The following PLPP4 variants were observed in gnomAD, a reference collection of about 807,000 sequenced individuals.
PLPP4 encodes the protein phospholipid phosphatase 4.
In PLPP4, 20 loss-of-function variants were observed where a neutral mutation model predicts 32.2. The ratio of observed to expected loss-of-function variants is 0.62; its 90% CI spans 0.44 to 0.90. PLPP4 has a LOEUF of 0.90. Ranked by LOEUF, PLPP4 falls within the 40% of genes least tolerant of loss-of-function variation. The pLI, the probability that PLPP4 is intolerant of heterozygous loss-of-function variation, is 0.00. For synonymous variants in PLPP4, 127 were observed against 133.0 expected (o/e 0.95, Z 0.31); for missense variants, 257 against 353.1 (o/e 0.73, Z 2.18).
At chr10:120,513,866 A>G in intron 2 of PLPP4, 45 bp from the exon 3 acceptor site, 1 of 1,447,790 alleles carries the variant, frequency 6.9e-7, no homozygotes, top group Non-Finnish European at 9.7e-7. Context: ...CCCTTCTGAT[A>G]GCAAACTGAT....
chr10:120,591,336 T>A lies in PLPP4; in HGVS notation c.*1834T>A, dbSNP rs1028278047. 6.6e-6 allele frequency among the ~76,000 whole-genome samples: 1 copy of A among 152,106 alleles called. No homozygotes were observed. The highest frequency in any genetic ancestry group is 1.5e-5 in the Non-Finnish European group (1 of 68,028). On this transcript the variant is annotated 3_prime_UTR_variant, in exon 7 of 7. Transcript: ENST00000398250. ...CACGGTCATGTGATTGTCCCCTGGA[T>A]GGAGTGGGAGAGGGGGAGGCTTGAA...
At chr10:120,463,721 T>C (rs889676472) in intron 1 of PLPP4, among the ~76,000 whole-genome samples, 1 of 152,194 alleles carries the variant, frequency 6.6e-6, no homozygotes, top group African/African-American at 2.4e-5. Context: ...AGTCTCTCTC[T>C]GTTGCCCAGG....
intron 2 of PLPP4, among the ~76,000 whole-genome samples, chr10:120,504,155 C>T (rs575935583): frequency 2.0e-5 from 3 of 152,316 alleles, no homozygotes; most frequent in South Asian, 4.1e-4. Context: ...AGAAATAGCA[C>T]TCAAACATAA....
At chr10:120,487,403 G>A (rs537907305) in intron 1 of PLPP4, among the ~76,000 whole-genome samples, 2 of 152,306 alleles carry the variant, frequency 1.3e-5, no homozygotes, top group South Asian at 4.1e-4. Context: ...GTTCTGATTG[G>A]TAACATTGTC....
At chr10:120,537,256 A>C (rs1401367367) in intron 5 of PLPP4, among the ~76,000 whole-genome samples, 1 of 152,234 alleles carries the variant, frequency 6.6e-6, no homozygotes, top group Admixed American at 6.5e-5. Flanking sequence ...TCATTGCAGC[A>C]TTATTCACAA....
intron 1 of PLPP4, among the ~76,000 whole-genome samples, chr10:120,502,109 T>C (rs1308277500): frequency 6.6e-6 from 1 of 152,166 alleles, no homozygotes; most frequent in Non-Finnish European, 1.5e-5. Context: ...GATTCTGTAA[T>C]AGAAGTGCTC....
In PLPP4 at chr10:120,547,624, A is replaced by G. The variant is rs553466838; in HGVS notation, c.445+26529A>G. Among the ~76,000 whole-genome samples, 218 of 152,306 alleles carry G rather than the reference A, an allele frequency of 1.4e-3. 11 individuals carry two copies. In the South Asian group the frequency reaches 0.044, roughly 31 times the overall value. On this transcript the variant is annotated intron_variant, in intron 5 of 6. Transcript: ENST00000398250. Reference sequence around the variant, plus strand: ...CTTGACCCATGTGAAAAACTGAGAGACATCCCTTTTTATCATAGATTCCCT... The same window carrying G: ...CTTGACCCATGTGAAAAACTGAGAGGCATCCCTTTTTATCATAGATTCCCT...
intron 6 of PLPP4, among the ~76,000 whole-genome samples, chr10:120,578,232 G>T (rs1036952403): frequency 6.6e-6 from 1 of 152,218 alleles, no homozygotes; most frequent in Non-Finnish European, 1.5e-5. Flanking sequence ...AGAAATCAAG[G>T]AGACCTCAAA....
intron 1 of PLPP4, among the ~76,000 whole-genome samples, chr10:120,459,085 A>G (rs1847923523): frequency 6.6e-6 from 1 of 152,234 alleles, no homozygotes; most frequent in South Asian, 2.1e-4. Context: ...TGAGATGTTT[A>G]CAGATATACA....
intron 1 of PLPP4, among the ~76,000 whole-genome samples, chr10:120,477,948 G>C (rs1464279484): frequency 3.9e-5 from 6 of 152,164 alleles, no homozygotes; most frequent in Non-Finnish European, 8.8e-5. Flanking sequence ...GACAAGTTGA[G>C]GAGGGCATGA....
chr10:120,493,168 C>G (rs1844795803), intron 1 of PLPP4, among the ~76,000 whole-genome samples: 1 of 152,220 alleles, frequency 6.6e-6, no homozygotes, highest in Non-Finnish European at 1.5e-5. Flanking sequence ...AAGACCTGGT[C>G]AGAGCACATA....
At chr10:120,523,115 G>A (rs977455182) in intron 5 of PLPP4, among the ~76,000 whole-genome samples, 4 of 152,142 alleles carry the variant, frequency 2.6e-5, no homozygotes, top group Non-Finnish European at 5.9e-5. Context: ...GGCCAACATG[G>A]TGAAACCCCA....
At chr10:120,525,360 T>C (rs1387964000) in intron 5 of PLPP4, among the ~76,000 whole-genome samples, 1 of 152,220 alleles carries the variant, frequency 6.6e-6, no homozygotes, top group African/African-American at 2.4e-5. Flanking sequence ...ATTTTAAAAC[T>C]CTATTACAGT....
At chr10:120,557,526 A>G (rs1265911920) in intron 5 of PLPP4, among the ~76,000 whole-genome samples, 3 of 152,146 alleles carry the variant, frequency 2.0e-5, no homozygotes, top group Non-Finnish European at 4.4e-5. Context: ...ATGTTTGGGT[A>G]GGTTTCCTTT....
intron 5 of PLPP4, among the ~76,000 whole-genome samples, chr10:120,548,140 G>A (rs2133979155): frequency 6.6e-6 from 1 of 152,210 alleles, no homozygotes; most frequent in East Asian, 1.9e-4. Flanking sequence ...TAAATTGTGT[G>A]TTGTGGAGTT....
chr10:120,558,491 C>G (rs1483268819), intron 5 of PLPP4, among the ~76,000 whole-genome samples: 1 of 151,360 alleles, frequency 6.6e-6, no homozygotes, highest in East Asian at 1.9e-4. Context: ...TCACTGCGAC[C>G]TGCAACCTCC....
chr10:120,492,607 G>A (rs535344591), intron 1 of PLPP4, among the ~76,000 whole-genome samples: 1 of 152,240 alleles, frequency 6.6e-6, no homozygotes, highest in South Asian at 2.1e-4. Context: ...ACAGAAGAGG[G>A]CTCGGAGGGG....
intron 1 of PLPP4, among the ~76,000 whole-genome samples, chr10:120,479,356 G>A (rs546532321): frequency 5.9e-5 from 9 of 152,272 alleles, no homozygotes; most frequent in South Asian, 2.1e-4. Flanking sequence ...TGATCTGGCC[G>A]GTGTCCTCAT....
intron 1 of PLPP4, among the ~76,000 whole-genome samples, chr10:120,481,657 A>G (rs947521083): frequency 1.3e-5 from 2 of 152,162 alleles, no homozygotes; most frequent in Admixed American, 6.5e-5. Context: ...TGGAGCAGAC[A>G]AGGAAACAAA....
Sources: gnomAD v4.1 joint callset for allele counts (sites outside exome capture counted in the v4.1 genomes callset) on GRCh38, gnomAD v4.1.1 for gene constraint, MANE v1.5 for transcripts, NCBI Gene and HGNC (gene_info 2026-07-23, HGNC 2026-07-21) for gene names.